Variants in PPP2R3A observed in about 807,000 individuals in gnomAD.
The protein encoded by PPP2R3A is serine/threonine-protein phosphatase 2A regulatory subunit B'' subunit alpha.
In PPP2R3A, 80 loss-of-function variants were observed where a neutral mutation model predicts 106.9. That is an observed-to-expected ratio of 0.75 (90% CI 0.62 to 0.90). The LOEUF (loss-of-function observed/expected upper bound fraction) is 0.90, where lower values mean the gene tolerates loss of function less well. Among genes scored for constraint, PPP2R3A ranks in the 40% least tolerant of loss-of-function variants. The pLI is 0.00. For synonymous variants in PPP2R3A, 483 were observed against 468.3 expected (o/e 1.03, Z -0.41); for missense variants, 1,386 against 1,350.4 (o/e 1.03, Z -0.41).
intron 13 of PPP2R3A, among the ~76,000 whole-genome samples, chr3:136,111,554 T>G (rs1234002787): frequency 6.6e-6 from 1 of 151,998 alleles, no homozygotes; most frequent in African/African-American, 2.4e-5. Context: ...TAGAAGAAAT[T>G]GATAAATTCC....
At chr3:136,039,240 G>A (rs1935179286) in intron 3 of PPP2R3A, among the ~76,000 whole-genome samples, 1 of 152,158 alleles carries the variant, frequency 6.6e-6, no homozygotes, top group South Asian at 2.1e-4. Flanking sequence ...AATGATGAGG[G>A]CGCAACAGAT....
rs1244171059 is a variant in PPP2R3A, at chr3:136,003,291, T to A, written c.1793T>A (p.Ile598Asn). The A allele has an allele frequency of 4.3e-6, 7 of 1,613,822 alleles. No individual in the cohort carries two copies. The highest frequency in any genetic ancestry group is 5.9e-6 in the Non-Finnish European group (7 of 1,179,940). The change falls in exon 2 of 14, where the codon ATT becomes AAT. Residue 598 changes from isoleucine to asparagine, a missense_variant. Ile to Asn is a moderately radical substitution (Grantham distance 149, BLOSUM62 -3). Transcript: ENST00000264977. ...RALLLRILES[I>N]EDFAQELVEC... ...CTCTTACTGCGAATCCTGGAAAGCA[T>A]TGAAGACTTTGCTCAAGAACTAGTT...
intron 13 of PPP2R3A, 106 bp downstream of exon 13, chr3:136,106,428 T>C: frequency 1.0e-6 from 1 of 978,684 alleles, no homozygotes; most frequent in Non-Finnish European, 1.5e-6. Flanking sequence ...CATTTTTGAA[T>C]AGCATAAAAA....
At chr3:136,045,786 A>G (rs951775347) in intron 4 of PPP2R3A, among the ~76,000 whole-genome samples, 2 of 152,128 alleles carry the variant, frequency 1.3e-5, no homozygotes, top group African/African-American at 2.4e-5. Flanking sequence ...GGTAGCCCTT[A>G]CTATTAAATG....
At chr3:136,112,795 A>G (rs1047832535) in intron 13 of PPP2R3A, among the ~76,000 whole-genome samples, 2 of 152,192 alleles carry the variant, frequency 1.3e-5, no homozygotes, top group Admixed American at 6.5e-5. Flanking sequence ...TTCCTATCAT[A>G]CTACCAACAT....
At chr3:135,981,339 G>T (rs1431547540) in intron 1 of PPP2R3A, among the ~76,000 whole-genome samples, 1 of 151,594 alleles carries the variant, frequency 6.6e-6, no homozygotes, top group Non-Finnish European at 1.5e-5. Context: ...GGGGCCAGGG[G>T]TGCTGGTCTT....
chr3:136,128,433 T>C (rs1280097305), intron 13 of PPP2R3A, among the ~76,000 whole-genome samples: 3 of 151,290 alleles, frequency 2.0e-5, no homozygotes, highest in African/African-American at 7.3e-5. Context: ...GGCCATTACA[T>C]AATGGTAAAG....
intron 4 of PPP2R3A, among the ~76,000 whole-genome samples, chr3:136,047,377 G>A (rs1257770836): frequency 6.6e-6 from 1 of 152,154 alleles, no homozygotes; most frequent in Non-Finnish European, 1.5e-5. Context: ...CAATTGCAAA[G>A]ACATGGAATC....
Position 136,101,875 on chromosome 3 carries a change from A to G in PPP2R3A, c.2928-132A>G. 8.8e-6 allele frequency: 9 copies of G among 1,019,038 alleles called. No homozygotes were observed. In the South Asian group the frequency reaches 1.5e-4, roughly 17 times the overall value. The allele number at this position is 1,019,038 out of a possible 1,614,324, so 63.1% of individuals were successfully genotyped here. The stretch of plus-strand genomic sequence containing the variant: ...GAAGGGGTCCGCCATTTTCTCTAAC[A>G]AACTTTGTAAAACTATATCTAAGCC... On this transcript the variant is annotated intron_variant, in intron 10 of 13. Coordinates refer to ENST00000264977, the MANE Select transcript of PPP2R3A (RefSeq NM_002718.5).
At chr3:136,012,568 G>T (rs1934120661) in intron 2 of PPP2R3A, among the ~76,000 whole-genome samples, 1 of 151,756 alleles carries the variant, frequency 6.6e-6, no homozygotes, top group South Asian at 2.1e-4. Context: ...ACCACTACCT[G>T]GCCTCCTTTC....
At chr3:136,088,957 A>T (rs914285520) in intron 9 of PPP2R3A, among the ~76,000 whole-genome samples, 2 of 151,958 alleles carry the variant, frequency 1.3e-5, no homozygotes, top group African/African-American at 4.8e-5. Context: ...TGTTGATTTA[A>T]GTTCGATATA....
Position 136,026,991 on chromosome 3 carries a change from C to G in PPP2R3A, c.2155C>G (p.Pro719Ala). The G allele has an allele frequency of 6.2e-7, 1 of 1,612,908 alleles. No individual in the cohort carries two copies. The highest frequency in any genetic ancestry group is 8.5e-7 in the Non-Finnish European group (1 of 1,179,022). Residue 719 changes from proline (P) to alanine (A), a missense_variant, in exon 3 of 14, where the codon CCA becomes GCA. Physicochemically the swap from Pro to Ala is conservative, Grantham distance 27. Coordinates refer to ENST00000264977, the MANE Select transcript of PPP2R3A (RefSeq NM_002718.5). ...ACGGTTCTACTTTCCTGAAGGACTC[C>G]CAGATACCTGTAGTAATCATGAACA... The part of the protein sequence containing the change: ...IPRFYFPEGL[P>A]DTCSNHEQTL...
chr3:136,137,456 T>C (rs564472884), intron 13 of PPP2R3A, among the ~76,000 whole-genome samples: 1 of 151,674 alleles, frequency 6.6e-6, no homozygotes, highest in South Asian at 2.1e-4. Context: ...TTGGGCAGAT[T>C]AGAACTGTTT....
At position 136,102,047 on chromosome 3, in the gene PPP2R3A, G is replaced by T. The variant is rs771036563; in HGVS notation, c.2968G>T (p.Gly990Cys). The stretch of plus-strand genomic sequence containing the variant: ...CCGCTGCATGGATGTGGATGGAGAC[G>T]GTGTACTCTCCATGTATGAGCTGGA... ...WFRCMDVDGD[G>C]VLSMYELEYF... The change falls in exon 11 of 14, where the codon GGT (glycine) becomes TGT (cysteine). Residue 990 changes from glycine (G) to cysteine (C), a missense_variant. Coordinates refer to ENST00000264977, the MANE Select transcript of PPP2R3A (RefSeq NM_002718.5). 1 of 1,613,920 alleles carries T rather than the reference G, an allele frequency of 6.2e-7. No homozygotes were observed. The highest frequency in any genetic ancestry group is 1.7e-5 in the Admixed American group (1 of 60,004).
chr3:136,041,261 T>TA (rs1935272889), intron 4 of PPP2R3A, among the ~76,000 whole-genome samples: 1 of 121,920 alleles, frequency 8.2e-6, no homozygotes, highest in Non-Finnish European at 1.7e-5. Flanking sequence ...TTTTTTTTTT[T>TA]GTTTTTTTTT....
chr3:136,053,759 CT>C (rs1935761881), intron 5 of PPP2R3A, among the ~76,000 whole-genome samples: 1 of 152,136 alleles, frequency 6.6e-6, no homozygotes, highest in Non-Finnish European at 1.5e-5. Context: ...AAAATAATGC[CT>C]GTCAATCAAC....
At position 136,128,468 on chromosome 3, in the gene PPP2R3A, ACTAT is replaced by A. The variant is rs572526103; in HGVS notation, c.3330-16573_3330-16570del. 1.5e-3 allele frequency among the ~76,000 whole-genome samples: 221 copies of A among 152,300 alleles called. 3 individuals are homozygous for A. The highest frequency in any genetic ancestry group is 4.6e-3 in the African/African-American group (192 of 41,558). ...GGGATCAATTCAACAAGAAGAGCTA[ACTAT>A]CCTAAATATATATGCACCCAATACA... On this transcript the variant is annotated intron_variant, in intron 13 of 13. Transcript: ENST00000264977.
At position 136,027,734 on chromosome 3, in the gene PPP2R3A, T is replaced by C. The variant is rs146848610; in HGVS notation, c.2262+636T>C. On this transcript the variant is annotated intron_variant, in intron 3 of 13. Coordinates refer to ENST00000264977, the MANE Select transcript of PPP2R3A (RefSeq NM_002718.5). ...AATATTCAAGAATTCCCACCTTCTA[T>C]AGCAGTGCTTTGTTTTGTTTGGGCT... Among the ~76,000 whole-genome samples the C allele has an allele frequency of 1.5e-3, 223 of 152,346 alleles. 1 individual carries two copies. The highest frequency in any genetic ancestry group is 5.2e-3 in the African/African-American group (217 of 41,580).
chr3:136,087,296 T>TCTCTCTCTCC (rs1936974965), intron 8 of PPP2R3A, among the ~76,000 whole-genome samples: 1 of 141,964 alleles, frequency 7.0e-6, no homozygotes, highest in East Asian at 2.0e-4. Context: ...TCTCTCTCTC[T>TCTCTCTCTCC]CTCACCAACA....
Sources: gnomAD v4.1 joint callset for allele counts (sites outside exome capture counted in the v4.1 genomes callset) on GRCh38, gnomAD v4.1.1 for gene constraint, MANE v1.5 for transcripts, NCBI Gene and HGNC (gene_info 2026-07-23, HGNC 2026-07-21) for gene names.